Variants in ZFP57 observed in about 807,000 individuals in gnomAD.
ZFP57 encodes the protein ZFP57 zinc finger protein.
Under a neutral mutation model 15.8 loss-of-function variants are expected in ZFP57, and 12 were observed. The observed-to-expected ratio is 0.76, with a 90% CI of 0.49 to 1.23. The LOEUF is 1.23. ZFP57 is among the 50% of genes most tolerant of loss of function. ZFP57 has a pLI of 0.00. For missense variants in ZFP57, 536 were observed against 654.9 expected (o/e 0.82, Z 1.98); for synonymous variants, 203 against 242.3 (o/e 0.84, Z 1.51).
chr6:29,673,738 GA>G lies in ZFP57; in HGVS notation c.372del (p.Arg125GlufsTer7), dbSNP rs1344415728. 9.3e-6 allele frequency: 15 copies of G among 1,613,018 alleles called. No individual in the cohort carries two copies. Among genetic ancestry groups the G allele is most frequent in the Non-Finnish European group, 1.3e-5 (15 of 1,180,028 alleles). The part of the protein sequence containing the change: ...EGLSEGKKKE[L>X]REQHPSLRDE... Reference sequence around the variant, plus strand: ...TCTCTCAGACTGGGATGTTGTTCTCGAAGCTCTTTCTTCTTGCCTTCTACAG... The same window carrying G: ...TCTCTCAGACTGGGATGTTGTTCTCGAGCTCTTTCTTCTTGCCTTCTACAG... On this transcript the variant is annotated frameshift_variant, in exon 5 of 5. Coordinates refer to ENST00000376883, the MANE Select transcript of ZFP57 (RefSeq NM_001109809.5). LOFTEE classifies it low-confidence loss of function (END_TRUNC). This position sits in a 1 kb window ranked among gnomAD's most constrained non-coding sequence, Gnocchi z 4.7.
chr6:29,675,077 C>T lies in ZFP57; in HGVS notation c.352+309G>A, dbSNP rs1353326223. Among the ~76,000 whole-genome samples the T allele has an allele frequency of 4.7e-5, 7 of 147,782 alleles. 1 individual carries two copies. The highest frequency in any genetic ancestry group is 2.1e-4 in the South Asian group (1 of 4,722). On this transcript the variant is annotated intron_variant, in intron 4 of 4. Coordinates refer to ENST00000376883, the MANE Select transcript of ZFP57 (RefSeq NM_001109809.5). Reference sequence around the variant, plus strand: ...CTGAGGCAGGAGAATCGCTTGAACCCGGGAAGTGGAGGTTGCAGTAAGCCA... The same window carrying T: ...CTGAGGCAGGAGAATCGCTTGAACCTGGGAAGTGGAGGTTGCAGTAAGCCA...
At position 29,672,728 on chromosome 6, in the gene ZFP57, G is replaced by A; in HGVS notation, c.1383C>T (p.Gly461=). The A allele has an allele frequency of 6.2e-7, 1 of 1,612,938 alleles. No individual in the cohort carries two copies. Among genetic ancestry groups the A allele is most frequent in the East Asian group, 2.2e-5 (1 of 44,896 alleles). ...EKEGLMDHWR[G]YKGKDLCQSS... is the part of the protein sequence containing the mutation. ...TCTGGCACAGGTCCTTGCCTTTATA[G>A]CCCCTCCAGTGATCCATAAGGCCCT... Residue 461 remains glycine, a synonymous_variant, in exon 5 of 5, where the codon GGC becomes GGT. Coordinates refer to ENST00000376883, the MANE Select transcript of ZFP57 (RefSeq NM_001109809.5).
At chr6:29,676,101 T>TGTGTGTGTGTGTGTGTGC in intron 2 of ZFP57, 42 bp from the exon 3 acceptor site, 1 of 1,577,086 alleles carries the variant, frequency 6.3e-7, no homozygotes, top group Non-Finnish European at 8.7e-7. Flanking sequence ...TATAAATATA[T>TGTGTGTGTGTGTGTGTGC]ATGTGTGTGT....
Position 29,676,555 on chromosome 6 carries a change from A to AG in ZFP57, c.123+325_123+326insC. Among the ~76,000 whole-genome samples the AG allele has an allele frequency of 2.6e-5, 4 of 151,866 alleles. 1 individual carries two copies. The highest frequency in any genetic ancestry group is 2.9e-5 in the Non-Finnish European group (2 of 67,926). On this transcript the variant is annotated intron_variant, in intron 2 of 4. Transcript: ENST00000376883. Reference sequence around the variant, plus strand: ...CGTCTCAAAAAAAAAAAAAAGAAAAAAAAAAAAAGGAAAGGAAAGATGAAG... The same window carrying AG: ...CGTCTCAAAAAAAAAAAAAAGAAAAAGAAAAAAAAGGAAAGGAAAGATGAAG...
rs1008241150 is a variant in ZFP57 at position 29,676,944 on chromosome 6, C to G, written c.60G>C (p.Glu20Asp). The G allele has an allele frequency of 6.2e-7, 1 of 1,614,226 alleles. No homozygotes were observed. Among genetic ancestry groups the G allele is most frequent in the Admixed American group, 1.7e-5 (1 of 60,030 alleles). Residue 20 changes from glutamate to aspartate, a missense_variant, in exon 2 of 5, where the codon GAG becomes GAC. Coordinates refer to ENST00000376883, the MANE Select transcript of ZFP57 (RefSeq NM_001109809.5). ...PVQKTLPWVGEVAATLQEAMK... is the reference protein window; with the variant it reads ...PVQKTLPWVGDVAATLQEAMK... ...TGGCTTCCTGCAGGGTGGCAGCTAC[C>G]TCGCCCACCCATGGGAGCGTCTTCT...
At chr6:29,676,204 T>G in intron 2 of ZFP57, 145 bp from the exon 3 acceptor site, 24 of 878,544 alleles carry the variant, frequency 2.7e-5, no homozygotes, top group Non-Finnish European at 3.9e-5. Context: ...AAGAGAGAAA[T>G]ATTAAAAGAC....
rs9280638 is a variant in ZFP57 at position 29,676,102 on chromosome 6, A to ATGTGTGTGTGTGTGTG, written c.124-59_124-44dup. 3,700 of 1,265,600 alleles carry ATGTGTGTGTGTGTGTG rather than the reference A, an allele frequency of 2.9e-3. 98 individuals carry two copies. In the East Asian group the frequency reaches 0.069, roughly 24 times the overall value. 78.4% of individuals were successfully genotyped at this position (1,265,600 alleles called of 1,614,324 possible). A position where few individuals can be genotyped will look rare whatever the true frequency, so the allele number is the denominator to read the frequency against. On this transcript the variant is annotated intron_variant, in intron 2 of 4. Coordinates refer to ENST00000376883, the MANE Select transcript of ZFP57 (RefSeq NM_001109809.5). ...ACTCAAGAAGTTTATATAAATATAT[A>ATGTGTGTGTGTGTGTG]TGTGTGTGTGTGTGTGTGTGTGTAC... is the stretch of plus-strand genomic sequence containing the variant.
At chr6:29,680,367 C>T (rs1246134862) in intron 1 of ZFP57, among the ~76,000 whole-genome samples, 1 of 152,158 alleles carries the variant, frequency 6.6e-6, no homozygotes, top group Non-Finnish European at 1.5e-5. Context: ...GATGAGAATC[C>T]CCCTCACCCC....
intron 2 of ZFP57, 22 bp downstream of exon 2, chr6:29,676,859 C>G (rs1257318395): frequency 6.2e-7 from 1 of 1,613,752 alleles, no homozygotes; most frequent in Non-Finnish European, 8.5e-7. Flanking sequence ...GACCCCACCT[C>G]TCTCTAGCTT....
intron 4 of ZFP57, 59 bp downstream of exon 4, chr6:29,675,327 A>G (rs1255302986): frequency 1.6e-6 from 2 of 1,252,660 alleles, no homozygotes; most frequent in Admixed American, 3.4e-5. Context: ...TCAGCTCTCC[A>G]TCCTTTCAGG....
At chr6:29,674,248 A>G (rs895894899) in intron 4 of ZFP57, among the ~76,000 whole-genome samples, 14 of 152,168 alleles carry the variant, frequency 9.2e-5, no homozygotes, top group African/African-American at 3.1e-4. Flanking sequence ...AAGAAGAAGA[A>G]GAGGAAGAAG....
At position 29,675,173 on chromosome 6, in the gene ZFP57, A is replaced by AGAG. The variant is rs374535121; in HGVS notation, c.352+212_352+213insCTC. 2.6e-3 allele frequency among the ~76,000 whole-genome samples: 278 copies of AGAG among 104,928 alleles called. 1 individual carries two copies. Among genetic ancestry groups the AGAG allele is most frequent in the African/African-American group, 4.7e-3 (135 of 28,722 alleles). 68.8% of individuals were successfully genotyped at this position (104,928 alleles called of 152,430 possible). A position where few individuals can be genotyped will look rare whatever the true frequency, so the allele number is the denominator to read the frequency against. ...TCTCAAAAAAAAAAAAAAAAAAAAA[A>AGAG]AGAGAGAGAGAGAGAGACTTGGATC... is the stretch of plus-strand genomic sequence containing the variant. On this transcript the variant is annotated intron_variant, in intron 4 of 4. Transcript: ENST00000376883.
Position 29,676,076 on chromosome 6 carries a change from G to A in ZFP57, c.124-17C>T. 4 of 1,525,050 alleles carry A rather than the reference G, an allele frequency of 2.6e-6. No homozygotes were observed. Among genetic ancestry groups the A allele is most frequent in the Non-Finnish European group, 3.6e-6 (4 of 1,126,638 alleles). The allele number at this position is 1,525,050 out of a possible 1,614,324, so 94.5% of individuals were successfully genotyped here. On this transcript the variant is annotated splice_polypyrimidine_tract_variant and intron_variant, in intron 2 of 4. Transcript: ENST00000376883. ...GACTGGCTTCTGGAAGAACAGGAGA[G>A]ACTCAAGAAGTTTATATAAATATAT... is the stretch of plus-strand genomic sequence containing the variant.
Position 29,672,697 on chromosome 6 carries a change from G to A in ZFP57, c.1414C>T (p.His472Tyr). The A allele has an allele frequency of 6.2e-7, 1 of 1,612,788 alleles. No homozygotes were observed. The highest frequency in any genetic ancestry group is 1.1e-5 in the South Asian group (1 of 91,082). The change falls in exon 5 of 5, where the codon CAC (histidine) becomes TAC (tyrosine). Residue 472 changes from histidine to tyrosine, a missense_variant. Coordinates refer to ENST00000376883, the MANE Select transcript of ZFP57 (RefSeq NM_001109809.5). The stretch of plus-strand genomic sequence containing the variant: ...CCCAGGATCACCCGGCATTTATGGT[G>A]GCTGCTCTGGCACAGGTCCTTGCCT... ...YKGKDLCQSS[H>Y]HKCRVILGQW...
At chr6:29,676,357 G>A (rs897510777) in intron 2 of ZFP57, among the ~76,000 whole-genome samples, 18 of 151,940 alleles carry the variant, frequency 1.2e-4, no homozygotes, top group Non-Finnish European at 2.2e-4. Context: ...CCAATATGGT[G>A]AAACCTGGTC....
Position 29,673,361 on chromosome 6 carries a change from G to T in ZFP57, c.750C>A (p.Arg250=). The change falls in exon 5 of 5, where the codon CGC becomes CGA. Residue 250 remains arginine (R), a synonymous_variant. Transcript: ENST00000376883. This position sits in a 1 kb window ranked among gnomAD's most constrained non-coding sequence, Gnocchi z 4.7. ...YCDASGLSRH[R]RVHLGYRPHS... is the part of the protein sequence containing the mutation. ...GGGGCCGGTAACCCAGATGGACGCGGCGGTGACGACTTAGTCCAGAAGCAT... is the reference window on the plus strand; with the variant it reads ...GGGGCCGGTAACCCAGATGGACGCGTCGGTGACGACTTAGTCCAGAAGCAT... 6.2e-7 allele frequency: 1 copy of T among 1,613,054 alleles called. No individual in the cohort carries two copies. Among genetic ancestry groups the T allele is most frequent in the African/African-American group, 1.3e-5 (1 of 75,028 alleles).
rs1402953555 is a variant in ZFP57, at chr6:29,672,949, G to A, written c.1162C>T (p.His388Tyr). Reference protein sequence around the residue: ...PSRLNVFCCPHCSLTFSKKSY... With the variant: ...PSRLNVFCCPYCSLTFSKKSY... ...TTCTTGCTAAAAGTCAAAGAACAAT[G>A]GGGGCAACAGAAGACATTGAGTCTT... is the stretch of plus-strand genomic sequence containing the variant. The change falls in exon 5 of 5, where the codon CAT becomes TAT. Residue 388 changes from histidine to tyrosine, a missense_variant. His to Tyr is a moderately conservative substitution (Grantham distance 83). Transcript: ENST00000376883. 6.2e-7 allele frequency: 1 copy of A among 1,613,056 alleles called. No homozygotes were observed. Among genetic ancestry groups the A allele is most frequent in the Non-Finnish European group, 8.5e-7 (1 of 1,180,020 alleles).
chr6:29,674,167 GAGA>G lies in ZFP57; in HGVS notation c.353-412_353-410del, dbSNP rs200091395. On this transcript the variant is annotated intron_variant, in intron 4 of 4. Transcript: ENST00000376883. ...AGAAGAAGGAGAAGGAGAAGAGAAG[GAGA>G]AGAAGAAGAAGAAGGAAGAAGAAGA... 5.8e-3 allele frequency among the ~76,000 whole-genome samples: 868 copies of G among 148,664 alleles called. 4 individuals carry two copies. Among genetic ancestry groups the G allele is most frequent in the African/African-American group, 9.8e-3 (396 of 40,234 alleles).
chr6:29,673,423 GC>G lies in ZFP57; in HGVS notation c.687del (p.Arg229SerfsTer18), dbSNP rs1423947997. On this transcript the variant is annotated frameshift_variant, in exon 5 of 5. Transcript: ENST00000376883. LOFTEE classifies it low-confidence loss of function (END_TRUNC). The surrounding 1 kb of genome is among the most constrained non-coding windows in gnomAD (Gnocchi z 4.7). ...SYHRRMHLGERPFCCTLCDKT... is the reference protein window; with the variant it reads ...SYHRRMHLGEXPFCCTLCDKT... ...TTGTCACAGAGCGTGCAACAGAAGG[GC>G]CTCTCCCCAAGATGCATGCGTCTGT... 6.2e-7 allele frequency: 1 copy of G among 1,613,092 alleles called. No individual in the cohort carries two copies. Among genetic ancestry groups the G allele is most frequent in the South Asian group, 1.1e-5 (1 of 91,084 alleles).
Sources: gnomAD v4.1 joint callset for allele counts (sites outside exome capture counted in the v4.1 genomes callset) on GRCh38, gnomAD v4.1.1 for gene constraint, Gnocchi (gnomAD v3.1) non-coding constraint, MANE v1.5 for transcripts, NCBI Gene and HGNC (gene_info 2026-07-23, HGNC 2026-07-21) for gene names.